The following GBP6 variants were observed in gnomAD, a reference collection of about 807,000 sequenced individuals.
The protein encoded by GBP6 is guanylate binding protein family member 6, also known as guanylate-binding protein 6.
Under a neutral mutation model 61.5 loss-of-function variants are expected in GBP6, and 54 were observed. That is an observed-to-expected ratio of 0.88 (90% CI 0.71 to 1.10). GBP6 has a LOEUF of 1.10. Ranked by LOEUF, GBP6 falls within the 50% of genes least tolerant of loss-of-function variation. The pLI is 0.00. For missense variants in GBP6, 748 were observed against 752.8 expected (o/e 0.99, Z 0.07); for synonymous variants, 255 against 273.7 (o/e 0.93, Z 0.67).
chr1:89,384,179 CAAGAT>C lies in GBP6; in HGVS notation c.1560_1564del (p.Asp520GlufsTer37). The C allele has an allele frequency of 1.9e-6, 3 of 1,613,992 alleles. No individual in the cohort carries two copies. The highest frequency in any genetic ancestry group is 1.7e-6 in the Non-Finnish European group (2 of 1,179,928). ...GGAGCAGCAGCAACAGATGGAGGCT[CAAGAT>C]AAGAGTCGCAAGGAAAACATAGCCC... On this transcript the variant is annotated frameshift_variant, in exon 10 of 11. Coordinates refer to ENST00000370456, the MANE Select transcript of GBP6 (RefSeq NM_198460.3). LOFTEE classifies it high-confidence loss of function.
chr1:89,365,208 A>G (rs1049322633), intron 1 of GBP6, among the ~76,000 whole-genome samples: 2 of 152,204 alleles, frequency 1.3e-5, no homozygotes, highest in Admixed American at 6.5e-5. Flanking sequence ...CCAGTCCTGA[A>G]TAGGATTGAA....
rs552222539 is a variant in GBP6, at chr1:89,386,553, T to A, written c.*1084T>A. On this transcript the variant is annotated 3_prime_UTR_variant, in exon 11 of 11. Coordinates refer to ENST00000370456, the MANE Select transcript of GBP6 (RefSeq NM_198460.3). The stretch of plus-strand genomic sequence containing the variant: ...GATCTGAGTACTAGAATGCAAAAAA[T>A]TTGCATCATATTCTTGTTTTCATTT... 6.6e-6 allele frequency: 1 copy of A among 152,166 alleles called. No individual in the cohort carries two copies. Among genetic ancestry groups the A allele is most frequent in the South Asian group, 2.1e-4 (1 of 4,816 alleles). 9.4% of individuals were successfully genotyped at this position (152,166 alleles called of 1,614,324 possible).
intron 3 of GBP6, among the ~76,000 whole-genome samples, chr1:89,372,071 C>T (rs1026099147): frequency 2.0e-5 from 3 of 152,120 alleles, no homozygotes; most frequent in Admixed American, 1.3e-4. Flanking sequence ...ACAATTGCTT[C>T]AAAGAGAATA....
Position 89,369,443 on chromosome 1 carries a change from T to A in GBP6, c.191-103T>A, listed in dbSNP as rs567418739. 1.3e-5 allele frequency: 17 copies of A among 1,327,398 alleles called. No homozygotes were observed. In the South Asian group the frequency reaches 2.7e-4, roughly 21 times the overall value. 82.2% of individuals were successfully genotyped at this position (1,327,398 alleles called of 1,614,324 possible). On this transcript the variant is annotated intron_variant, in intron 2 of 10. Transcript: ENST00000370456. ...TGAGGAAATACAGAAAGGACCATCA[T>A]GTATGTTGGGGTAGTTACAATCCAA... is the stretch of plus-strand genomic sequence containing the variant.
chr1:89,377,114 CA>C (rs1652830872), intron 3 of GBP6, among the ~76,000 whole-genome samples: 1 of 152,108 alleles, frequency 6.6e-6, no homozygotes. Context: ...CTTTAGGAAC[CA>C]GTTACACATG....
chr1:89,381,771 ACT>A lies in GBP6; in HGVS notation c.952_953del (p.Leu318GlyfsTer4). ...GCCTTGTCTGGAGAATGCAGTGATA[ACT>A]CTGGCCCAGCGTGAGAACTCAGCGG... ...AVPCLENAVI[T>X]LAQRENSAAV... On this transcript the variant is annotated frameshift_variant, in exon 7 of 11. Coordinates refer to ENST00000370456, the MANE Select transcript of GBP6 (RefSeq NM_198460.3). LOFTEE classifies it high-confidence loss of function. 2 of 1,613,982 alleles carry A rather than the reference ACT, an allele frequency of 1.2e-6. No individual in the cohort carries two copies. Among genetic ancestry groups the A allele is most frequent in the South Asian group, 2.2e-5 (2 of 91,070 alleles).
Position 89,379,877 on chromosome 1 carries a change from C to T in GBP6, c.626-509C>T, listed in dbSNP as rs141719025. On this transcript the variant is annotated intron_variant, in intron 5 of 10. Transcript: ENST00000370456. ...TCTTGGCTGGGCAAGGTGACTTGCACCTGTAGTGTCAGCACTTTGGAAGGA... is the reference window on the plus strand; with the variant it reads ...TCTTGGCTGGGCAAGGTGACTTGCATCTGTAGTGTCAGCACTTTGGAAGGA... Among the ~76,000 whole-genome samples, 7 of 152,246 alleles carry T rather than the reference C, an allele frequency of 4.6e-5. No individual in the cohort carries two copies. In the East Asian group the frequency reaches 1.4e-3, roughly 29 times the overall value.
At chr1:89,377,484 A>G (rs2100667356) in intron 3 of GBP6, among the ~76,000 whole-genome samples, 1 of 152,328 alleles carries the variant, frequency 6.6e-6, no homozygotes, top group African/African-American at 2.4e-5. Context: ...CTTCCTGGAT[A>G]GACTTGTAAT....
At chr1:89,382,578 GT>G in intron 7 of GBP6, 85 bp from the exon 8 acceptor site, 1 of 1,087,374 alleles carries the variant, frequency 9.2e-7, no homozygotes, top group South Asian at 1.4e-5. Flanking sequence ...GAGGACCACA[GT>G]TAGATTGACT....
chr1:89,373,065 C>T (rs4373740), intron 3 of GBP6, among the ~76,000 whole-genome samples: 54,910 of 151,978 alleles, frequency 0.36, 10,119 homozygotes, highest in East Asian at 0.44. Flanking sequence ...CATGAAAAAA[C>T]GCTCATCATC....
intron 3 of GBP6, among the ~76,000 whole-genome samples, chr1:89,376,956 C>T (rs1652826667): frequency 6.6e-6 from 1 of 152,082 alleles, no homozygotes; most frequent in Admixed American, 6.6e-5. Flanking sequence ...AGTCCCACTT[C>T]TAAGAAGAAT....
intron 3 of GBP6, among the ~76,000 whole-genome samples, chr1:89,372,485 G>A (rs1255693982): frequency 1.3e-5 from 2 of 152,062 alleles, no homozygotes; most frequent in African/African-American, 2.4e-5. Flanking sequence ...AATGGAACAG[G>A]ACAGAGCTCT....
At chr1:89,370,459 G>A (rs1357000384) in intron 3 of GBP6, among the ~76,000 whole-genome samples, 2 of 152,128 alleles carry the variant, frequency 1.3e-5, no homozygotes, top group African/African-American at 4.8e-5. Context: ...ATTTCTGATT[G>A]TGCTCATCAT....
At chr1:89,383,457 G>C (rs979420865) in intron 8 of GBP6, among the ~76,000 whole-genome samples, 195 bp from the exon 9 acceptor site, 23 of 152,138 alleles carry the variant, frequency 1.5e-4, no homozygotes, top group African/African-American at 5.3e-4. Flanking sequence ...CAGTGGGAAA[G>C]GCACTGGAGG....
intron 8 of GBP6, 80 bp from the exon 9 acceptor site, chr1:89,383,572 G>A: frequency 9.7e-7 from 1 of 1,033,868 alleles, no homozygotes; most frequent in Non-Finnish European, 1.5e-6. Context: ...AAAGTTACAA[G>A]ACCATAATTG....
intron 7 of GBP6, among the ~76,000 whole-genome samples, chr1:89,382,385 A>G (rs2100673631): frequency 6.6e-6 from 1 of 152,332 alleles, no homozygotes; most frequent in Middle Eastern, 3.4e-3. Flanking sequence ...ACACAGGATG[A>G]TACCATTGCA....
At chr1:89,382,561 T>G in intron 7 of GBP6, 103 bp from the exon 8 acceptor site, 1 of 861,000 alleles carries the variant, frequency 1.2e-6, no homozygotes, top group Non-Finnish European at 1.9e-6. Flanking sequence ...TAGAATGTTT[T>G]TCTCATGAGG....
chr1:89,384,317 A>T, intron 10 of GBP6, 31 bp downstream of exon 10: 2 of 1,559,336 alleles, frequency 1.3e-6, no homozygotes, highest in Non-Finnish European at 1.7e-6. Context: ...AGCAGGCCAG[A>T]CGGTCCTCAC....
In GBP6 at chr1:89,381,861, G is replaced by A. The variant is rs377263707; in HGVS notation, c.1039G>A (p.Asp347Asn). The part of the protein sequence containing the change: ...QMAQRVKLPT[D>N]TLQELLDMHA... ...GGCCCAGCGAGTGAAGCTCCCCACA[G>A]ACACGCTCCAGGAGCTGCTGGACAT... The change falls in exon 7 of 11, where the codon GAC (aspartate) becomes AAC (asparagine). Residue 347 changes from aspartate to asparagine, a missense_variant. Transcript: ENST00000370456. 1.9e-6 allele frequency: 3 copies of A among 1,614,148 alleles called. No individual in the cohort carries two copies. Among genetic ancestry groups the A allele is most frequent in the Non-Finnish European group, 2.5e-6 (3 of 1,179,986 alleles).
Sources: gnomAD v4.1 joint callset for allele counts (sites outside exome capture counted in the v4.1 genomes callset) on GRCh38, gnomAD v4.1.1 for gene constraint, MANE v1.5 for transcripts, NCBI Gene and HGNC (gene_info 2026-07-23, HGNC 2026-07-21) for gene names.